The following ASL variants were observed in gnomAD, a reference collection of about 807,000 sequenced individuals.
ASL encodes argininosuccinate lyase.
In ASL, 51 loss-of-function variants were observed where a neutral mutation model predicts 69.1. The observed-to-expected ratio is 0.74, with a 90% CI of 0.59 to 0.93. The LOEUF is 0.93. Ranked by LOEUF, ASL falls within the 40% of genes least tolerant of loss-of-function variation. The pLI, the probability that ASL is intolerant of heterozygous loss-of-function variation, is 0.00. For missense variants in ASL, 540 were observed against 623.9 expected, an observed-to-expected ratio of 0.87 and a Z score of 1.43; for synonymous variants, 241 against 247.6, an observed-to-expected ratio of 0.97 and a Z score of 0.25.
At chr7:66,083,673 G>C (rs189297259) in intron 6 of ASL, among the ~76,000 whole-genome samples, 1 of 150,626 alleles carries the variant, frequency 6.6e-6, no homozygotes, top group African/African-American at 2.4e-5. Flanking sequence ...TACAGAGCGA[G>C]ACTCCTGTCT....
chr7:66,092,169 C>T (rs575512953), intron 15 of ASL, 83 bp downstream of exon 15: 30 of 1,517,594 alleles, frequency 2.0e-5, no homozygotes, highest in Admixed American at 1.0e-4. Context: ...TGGGTGCAAG[C>T]GGCCCAGCCT....
At chr7:66,077,954 C>G (rs1446865766) in intron 2 of ASL, among the ~76,000 whole-genome samples, 10 of 152,112 alleles carry the variant, frequency 6.6e-5, no homozygotes, top group Admixed American at 6.6e-4. Context: ...TCACTCTGAT[C>G]TCCCTGTGGG....
chr7:66,078,852 C>T (rs1404106720), intron 2 of ASL, among the ~76,000 whole-genome samples: 9 of 151,994 alleles, frequency 5.9e-5, no homozygotes, highest in Non-Finnish European at 8.8e-5. Flanking sequence ...CCAGGCTGAT[C>T]TCGAACTCCT....
At chr7:66,091,476 C>T (rs920983161) in intron 14 of ASL, among the ~76,000 whole-genome samples, 1 of 152,188 alleles carries the variant, frequency 6.6e-6, no homozygotes, top group African/African-American at 2.4e-5. Context: ...GGGAGGATCC[C>T]TTGAGCCCAG....
At chr7:66,087,559 T>A (rs1415083397) in intron 9 of ASL, 170 bp from the exon 10 acceptor site, 2 of 985,162 alleles carry the variant, frequency 2.0e-6, no homozygotes, top group Non-Finnish European at 3.1e-6. Context: ...CAGGGATGCC[T>A]GGTACTGAGA....
intron 10 of ASL, among the ~76,000 whole-genome samples, chr7:66,088,346 T>C (rs1786730075): frequency 6.6e-6 from 1 of 151,812 alleles, no homozygotes; most frequent in African/African-American, 2.4e-5. Context: ...CTGGGCATGG[T>C]GGTGCATGCC....
chr7:66,090,309 T>G (rs951576291), intron 14 of ASL, among the ~76,000 whole-genome samples: 1 of 152,196 alleles, frequency 6.6e-6, no homozygotes, highest in Admixed American at 6.5e-5. Context: ...GGTCACTCTC[T>G]GTCGCCCAGG....
intron 2 of ASL, among the ~76,000 whole-genome samples, chr7:66,077,364 G>T (rs1014277660): frequency 8.5e-5 from 13 of 152,114 alleles, no homozygotes; most frequent in Non-Finnish European, 1.8e-4. Context: ...GTTTGAGACT[G>T]CAGTGAGCAT....
At chr7:66,075,934 C>A in intron 1 of ASL, 78 bp downstream of exon 1, 1 of 1,067,038 alleles carries the variant, frequency 9.4e-7, no homozygotes, top group Non-Finnish European at 1.4e-6. Flanking sequence ...CGTCCGCGTC[C>A]CCAAGGGCTG....
chr7:66,091,782 C>T, intron 14 of ASL: 1 of 585,134 alleles, frequency 1.7e-6, no homozygotes, highest in Non-Finnish European at 3.1e-6. Context: ...TCTTTGAAAA[C>T]ATAAAGGCCA....
intron 2 of ASL, among the ~76,000 whole-genome samples, chr7:66,076,839 T>C (rs1361103100): frequency 6.6e-6 from 1 of 152,190 alleles, no homozygotes; most frequent in Non-Finnish European, 1.5e-5. Context: ...CGCCTGATGC[T>C]TGATGAAGGG....
rs757109353 is a variant in ASL, at chr7:66,092,771, CCT to C, written c.1255_1256del (p.Leu419ValfsTer54). On this transcript the variant is annotated frameshift_variant, in exon 17 of 17. Transcript: ENST00000304874. LOFTEE classifies it high-confidence loss of function. ...CCACCTCTTCCTCTCTCCCCAGCCC[CCT>C]GTTCTCGGGCGACGTGATCTGCGTG... ...SLQELQTISP[L>X]FSGDVICVWD... is the part of the protein sequence containing the mutation. The C allele has an allele frequency of 6.2e-6, 10 of 1,613,898 alleles. No individual in the cohort carries two copies. The highest frequency in any genetic ancestry group is 3.3e-5 in the Admixed American group (2 of 59,996).
intron 6 of ASL, among the ~76,000 whole-genome samples, chr7:66,084,902 A>G (rs1192222090): frequency 6.6e-6 from 1 of 152,074 alleles, no homozygotes; most frequent in Non-Finnish European, 1.5e-5. Flanking sequence ...TACAGGTGTG[A>G]GCCACCGTGC....
Position 66,088,811 on chromosome 7 carries a change from G to C in ASL, c.723G>C (p.Glu241Asp). Reference sequence around the variant, plus strand: ...ACTGGGAACCTTTTCTCCCAGCCGAGTTCCTGTTCTGGGCTTCGCTGTGCA... The same window carrying C: ...ACTGGGAACCTTTTCTCCCAGCCGACTTCCTGTTCTGGGCTTCGCTGTGCA... ...DATSERDFVAEFLFWASLCMT... is the reference protein window; with the variant it reads ...DATSERDFVADFLFWASLCMT... Residue 241 changes from glutamate (E) to aspartate (D), a missense_variant, in exon 11 of 17, where the codon GAG becomes GAC. Transcript: ENST00000304874. 1 of 1,613,062 alleles carries C rather than the reference G, an allele frequency of 6.2e-7. No individual in the cohort carries two copies.
chr7:66,091,346 C>A (rs1786837832), intron 14 of ASL, among the ~76,000 whole-genome samples: 1 of 151,920 alleles, frequency 6.6e-6, no homozygotes, highest in African/African-American at 2.4e-5. Flanking sequence ...GCGCTTGAGC[C>A]CAGGAGTTCA....
At chr7:66,092,481 A>C in intron 15 of ASL, 76 bp from the exon 16 acceptor site, 6 of 1,276,998 alleles carry the variant, frequency 4.7e-6, no homozygotes, top group Non-Finnish European at 5.5e-6. Context: ...AAAAAAAGGA[A>C]GGGGGTGCAG....
intron 2 of ASL, among the ~76,000 whole-genome samples, chr7:66,081,278 GGAAA>G (rs1416331132): frequency 6.6e-6 from 1 of 152,032 alleles, no homozygotes; most frequent in Non-Finnish European, 1.5e-5. Flanking sequence ...CCATGTGGTG[GGAAA>G]GAACCCCAAC....
chr7:66,092,527 C>T (rs1416167908), intron 15 of ASL, 30 bp from the exon 16 acceptor site: 2 of 1,594,722 alleles, frequency 1.3e-6, no homozygotes, highest in Admixed American at 1.7e-5. Context: ...AGAAACCTGC[C>T]TCAGCGCCAT....
At chr7:66,084,871 G>C (rs1267158842) in intron 6 of ASL, among the ~76,000 whole-genome samples, 1 of 151,944 alleles carries the variant, frequency 6.6e-6, no homozygotes, top group Non-Finnish European at 1.5e-5. Context: ...CACCCACCTC[G>C]GACTCTCAAA....
Sources: gnomAD v4.1 joint callset for allele counts (sites outside exome capture counted in the v4.1 genomes callset) on GRCh38, gnomAD v4.1.1 for gene constraint, MANE v1.5 for transcripts, NCBI Gene and HGNC (gene_info 2026-07-23, HGNC 2026-07-21) for gene names.